ADAMTSL1: variants seen among roughly 807,000 people sequenced by gnomAD.
ADAMTSL1 encodes ADAMTS like 1.
ADAMTSL1 carries 126 observed loss-of-function variants against 201.8 expected under a neutral mutation model. That is an observed-to-expected ratio of 0.62 (90% CI 0.54 to 0.72). The LOEUF (loss-of-function observed/expected upper bound fraction) is 0.72. Among genes scored for constraint, ADAMTSL1 ranks in the 30% least tolerant of loss-of-function variants. The pLI is 0.00. For missense variants in ADAMTSL1, 2,679 were observed against 2,277.8 expected (o/e 1.18, Z -3.59); for synonymous variants, 1,121 against 903.4 (o/e 1.24, Z -4.32).
chr9:18,743,072 A>G (rs1469588012), intron 15 of ADAMTSL1, among the ~76,000 whole-genome samples: 1 of 152,210 alleles, frequency 6.6e-6, no homozygotes, highest in African/African-American at 2.4e-5. Context: ...TCATATCTGA[A>G]TTATAACAGC....
chr9:18,180,869 T>TACTTG (rs1828438756), intron 2 of ADAMTSL1, among the ~76,000 whole-genome samples: 1 of 152,156 alleles, frequency 6.6e-6, no homozygotes. Flanking sequence ...GGCATCACAC[T>TACTTG]ACTTGACTTC....
chr9:18,649,673 G>A (rs938739128), intron 7 of ADAMTSL1, among the ~76,000 whole-genome samples: 9 of 152,228 alleles, frequency 5.9e-5, no homozygotes, highest in Admixed American at 4.6e-4. Context: ...TGTTTGCCTG[G>A]GTATCAGCAG....
At chr9:18,455,473 C>T (rs1820565298) in intron 2 of ADAMTSL1, among the ~76,000 whole-genome samples, 1 of 151,976 alleles carries the variant, frequency 6.6e-6, no homozygotes. Context: ...TTCATAAATG[C>T]ATTTTGCACT....
In ADAMTSL1 at chr9:18,093,661, T is replaced by C. The variant is rs28439363; in HGVS notation, c.88-70201T>C. 1.5e-3 allele frequency among the ~76,000 whole-genome samples: 235 copies of C among 152,314 alleles called. 1 individual carries two copies. Among genetic ancestry groups the C allele is most frequent in the African/African-American group, 5.6e-3 (231 of 41,572 alleles). On this transcript the variant is annotated intron_variant, in intron 1 of 29. Coordinates refer to the ADAMTSL1 transcript ENST00000680146. The stretch of plus-strand genomic sequence containing the variant: ...ATGTAACTATAAAAATCTAGTAAAA[T>C]TCTTTAGGAACCAAGAAATAGGCTC...
In ADAMTSL1 at chr9:18,197,280, T is replaced by C. The variant is rs373735341; in HGVS notation, c.207+33299T>C. Among the ~76,000 whole-genome samples, 24 of 152,266 alleles carry C rather than the reference T, an allele frequency of 1.6e-4. No homozygotes were observed. The East Asian group carries it at 3.1e-3, about 20-fold the overall frequency. Reference sequence around the variant, plus strand: ...TAAATTACCTTGGGCAGTATGGCCATTTTCACAAGACTGATTCTTCCAACC... The same window carrying C: ...TAAATTACCTTGGGCAGTATGGCCACTTTCACAAGACTGATTCTTCCAACC... On this transcript the variant is annotated intron_variant, in intron 2 of 29. Coordinates refer to the ADAMTSL1 transcript ENST00000680146.
intron 2 of ADAMTSL1, among the ~76,000 whole-genome samples, chr9:18,224,973 A>C (rs59384342): frequency 6.6e-6 from 1 of 152,104 alleles, no homozygotes; most frequent in Non-Finnish European, 1.5e-5. Context: ...ATCTTCATGC[A>C]TAAAACTTTT....
chr9:18,512,296 G>C (rs1298420883), intron 2 of ADAMTSL1, among the ~76,000 whole-genome samples: 2 of 152,040 alleles, frequency 1.3e-5, no homozygotes, highest in African/African-American at 4.8e-5. Flanking sequence ...GCCAATGACT[G>C]AATGTTTAGG....
At chr9:18,278,926 T>A (rs573601315) in intron 2 of ADAMTSL1, among the ~76,000 whole-genome samples, 8 of 152,298 alleles carry the variant, frequency 5.3e-5, no homozygotes, top group African/African-American at 1.7e-4. Context: ...GGTTTTTTTT[T>A]CTTCTGTTTC....
chr9:18,884,853 A>C (rs1828753556), intron 23 of ADAMTSL1, among the ~76,000 whole-genome samples: 1 of 152,022 alleles, frequency 6.6e-6, no homozygotes, highest in Non-Finnish European at 1.5e-5. Context: ...CTTCTTTTTC[A>C]AGGTTGTTTA....
chr9:18,713,382 T>G (rs1437616508), intron 14 of ADAMTSL1, among the ~76,000 whole-genome samples: 1 of 151,788 alleles, frequency 6.6e-6, no homozygotes, highest in East Asian at 1.9e-4. Context: ...ACACATAGGC[T>G]CAAAATAAAA....
intron 2 of ADAMTSL1, among the ~76,000 whole-genome samples, chr9:18,241,487 A>G (rs1052881290): frequency 3.3e-5 from 5 of 152,120 alleles, no homozygotes; most frequent in Non-Finnish European, 7.4e-5. Flanking sequence ...CTTTCAGGCT[A>G]TTAATATTCC....
intron 5 of ADAMTSL1, among the ~76,000 whole-genome samples, chr9:18,634,115 C>T (rs1224783220): frequency 6.6e-6 from 1 of 152,054 alleles, no homozygotes; most frequent in Non-Finnish European, 1.5e-5. Context: ...TCAGAGAAGT[C>T]AGGTAACTTC....
chr9:18,207,552 A>G (rs946435909), intron 2 of ADAMTSL1, among the ~76,000 whole-genome samples: 70 of 152,320 alleles, frequency 4.6e-4, no homozygotes, highest in Admixed American at 4.5e-3. Flanking sequence ...AGTCCTGCAT[A>G]ATTTTAACAT....
intron 1 of ADAMTSL1, among the ~76,000 whole-genome samples, chr9:18,146,795 T>G (rs185955972): frequency 1.1e-4 from 17 of 152,286 alleles, no homozygotes; most frequent in African/African-American, 3.8e-4. Context: ...ATTTATAGTC[T>G]GTATATACTT....
At chr9:18,146,682 A>G (rs973125784) in intron 1 of ADAMTSL1, among the ~76,000 whole-genome samples, 5 of 152,174 alleles carry the variant, frequency 3.3e-5, no homozygotes, top group Admixed American at 6.6e-5. Flanking sequence ...GCTATCTGCA[A>G]GGCATATGCT....
At chr9:18,310,535 T>C (rs1273914878) in intron 2 of ADAMTSL1, among the ~76,000 whole-genome samples, 2 of 151,838 alleles carry the variant, frequency 1.3e-5, no homozygotes, top group African/African-American at 2.4e-5. Context: ...CATCAAAAAG[T>C]GGGCAAAGGA....
intron 14 of ADAMTSL1, among the ~76,000 whole-genome samples, chr9:18,709,864 A>T (rs60396306): frequency 7.2e-5 from 11 of 152,352 alleles, no homozygotes; most frequent in African/African-American, 1.9e-4. Context: ...AAAATGGAAG[A>T]TGAAGCCTTG....
intron 2 of ADAMTSL1, among the ~76,000 whole-genome samples, chr9:18,213,993 T>A (rs1829975981): frequency 6.6e-6 from 1 of 152,150 alleles, no homozygotes; most frequent in South Asian, 2.1e-4. Context: ...CGCCTGGGCC[T>A]CCCAAAGTGC....
chr9:18,130,847 A>G (rs1298578238), intron 1 of ADAMTSL1, among the ~76,000 whole-genome samples: 1 of 152,154 alleles, frequency 6.6e-6, no homozygotes, highest in East Asian at 1.9e-4. Context: ...GCACAAAAAC[A>G]GGGCAGTCCA....
Sources: gnomAD v4.1 joint callset for allele counts (sites outside exome capture counted in the v4.1 genomes callset) on GRCh38, gnomAD v4.1.1 for gene constraint, MANE v1.5 for transcripts, NCBI Gene and HGNC (gene_info 2026-07-23, HGNC 2026-07-21) for gene names.